Variants in SLC12A7 observed in about 807,000 individuals in gnomAD.
SLC12A7 encodes the protein solute carrier family 12 member 7.
SLC12A7 carries 100 observed loss-of-function variants against 120.6 expected under a neutral mutation model. The observed-to-expected ratio is 0.83, with a 90% confidence interval of 0.71 to 0.98. The LOEUF (loss-of-function observed/expected upper bound fraction) is 0.98, where lower values mean the gene tolerates loss of function less well. Among genes scored for constraint, SLC12A7 ranks in the 50% least tolerant of loss-of-function variants. The pLI, the probability that SLC12A7 is intolerant of heterozygous loss-of-function variation, is 0.00. For synonymous variants in SLC12A7, 760 were observed against 678.0 expected, an observed-to-expected ratio of 1.12 and a Z score of -1.88; for missense variants, 1,373 against 1,548.1, an observed-to-expected ratio of 0.89 and a Z score of 1.90.
the SLC12A7 span, among the ~76,000 whole-genome samples, chr5:1,132,617 C>A: frequency 2.6e-5 from 4 of 152,256 alleles, no homozygotes; most frequent in South Asian, 2.1e-4. Flanking sequence ...CATGAAGAAC[C>A]CTTGCCTGCC....
intron 15 of SLC12A7, 106 bp from the exon 16 acceptor site, chr5:1,074,777 C>T (rs1444515461): frequency 2.8e-6 from 3 of 1,057,390 alleles, no homozygotes; most frequent in South Asian, 1.5e-5. Context: ...AAACAGGACC[C>T]CCAGGAAAAG....
intron 1 of SLC12A7, among the ~76,000 whole-genome samples, chr5:1,099,061 T>G (rs1481867807): frequency 2.0e-5 from 3 of 151,770 alleles, no homozygotes; most frequent in Non-Finnish European, 4.4e-5. Flanking sequence ...CCTTGCCAGG[T>G]GGCCCACAGT....
rs976295377 is a variant in SLC12A7, at chr5:1,083,741, T to C, written c.1129+4A>G. 9 of 1,611,640 alleles carry C rather than the reference T, an allele frequency of 5.6e-6. No homozygotes were observed. The highest frequency in any genetic ancestry group is 1.7e-5 in the Admixed American group (1 of 59,990). On this transcript the variant is annotated splice_donor_region_variant and intron_variant, in intron 8 of 23. Transcript: ENST00000264930. ...AGCTCCAGCTGCAGCCCTGTGAGCCTCACCCAGGAAGACACCACTGGCCGC... is the reference window on the plus strand; with the variant it reads ...AGCTCCAGCTGCAGCCCTGTGAGCCCCACCCAGGAAGACACCACTGGCCGC...
chr5:1,114,225 G>C (rs1373935842), upstream of SLC12A7, among the ~76,000 whole-genome samples: 1 of 152,220 alleles, frequency 6.6e-6, no homozygotes, highest in Non-Finnish European at 1.5e-5. Flanking sequence ...GAAGCACCTG[G>C]GTGGGTGCCC....
chr5:1,103,766 G>A (rs1355415908), intron 1 of SLC12A7, among the ~76,000 whole-genome samples: 1 of 152,244 alleles, frequency 6.6e-6, no homozygotes, highest in Non-Finnish European at 1.5e-5. Flanking sequence ...GGCATGCACT[G>A]GGACTACAGC....
chr5:1,078,815 G>T, intron 10 of SLC12A7, 57 bp from the exon 11 acceptor site: 1 of 612,112 alleles, frequency 1.6e-6, no homozygotes. Flanking sequence ...CAGGTACGGG[G>T]GGTGGGGTGG....
At chr5:1,093,512 G>GGACTGGGCGGA (rs60713238) in intron 3 of SLC12A7, 21 bp downstream of exon 3, 2 of 1,583,896 alleles carry the variant, frequency 1.3e-6, no homozygotes, top group Admixed American at 3.6e-5. Context: ...GACTGGGCGG[G>GGACTGGGCGGA]CACGGGCAGG....
At chr5:1,132,166 T>G in the SLC12A7 span, among the ~76,000 whole-genome samples, 38 of 152,198 alleles carry the variant, frequency 2.5e-4, no homozygotes, top group Non-Finnish European at 4.3e-4. Context: ...TCCTCACTGC[T>G]CATTACACGC....
chr5:1,091,633 G>A (rs1284441098), intron 3 of SLC12A7, among the ~76,000 whole-genome samples: 1 of 152,196 alleles, frequency 6.6e-6, no homozygotes, highest in Non-Finnish European at 1.5e-5. Context: ...AAGGTGCTGA[G>A]TGCTGAGCCC....
intron 21 of SLC12A7, among the ~76,000 whole-genome samples, chr5:1,059,978 G>C (rs1372256340): frequency 6.6e-6 from 1 of 152,378 alleles, no homozygotes; most frequent in South Asian, 2.1e-4. Context: ...CCCTGTCAGA[G>C]GGCACTGCCC....
At chr5:1,152,439 C>T in the SLC12A7 span, among the ~76,000 whole-genome samples, 3 of 152,334 alleles carry the variant, frequency 2.0e-5, no homozygotes, top group Non-Finnish European at 4.4e-5. Flanking sequence ...TGCCTGTGCC[C>T]GTGGGCTCAC....
the SLC12A7 span, among the ~76,000 whole-genome samples, chr5:1,128,303 C>T: frequency 6.6e-6 from 1 of 152,224 alleles, no homozygotes; most frequent in Non-Finnish European, 1.5e-5. Context: ...AGAGCCAAAT[C>T]CCAGGACGAG....
chr5:1,124,402 A>G, the SLC12A7 span, among the ~76,000 whole-genome samples: 1 of 152,382 alleles, frequency 6.6e-6, no homozygotes, highest in East Asian at 1.9e-4. Flanking sequence ...ACAGAAGACC[A>G]TGGGAGGGTG....
At chr5:1,087,756 C>G (rs1004507553) in intron 5 of SLC12A7, among the ~76,000 whole-genome samples, 4 of 152,250 alleles carry the variant, frequency 2.6e-5, no homozygotes, top group Non-Finnish European at 4.4e-5. Flanking sequence ...GCAGACGTGG[C>G]AGCGTCTCCG....
At chr5:1,054,946 A>C (rs184023330) in intron 22 of SLC12A7, among the ~76,000 whole-genome samples, 1 of 152,342 alleles carries the variant, frequency 6.6e-6, no homozygotes, top group Non-Finnish European at 1.5e-5. Flanking sequence ...GTTTGGGGAC[A>C]AAGAGCAGCT....
At chr5:1,118,956 G>A in the SLC12A7 span, among the ~76,000 whole-genome samples, 3 of 152,276 alleles carry the variant, frequency 2.0e-5, no homozygotes, top group South Asian at 2.1e-4. Context: ...CCCACACTGA[G>A]CACCCAGAGC....
At chr5:1,144,817 CAG>C in the SLC12A7 span, among the ~76,000 whole-genome samples, 7 of 152,382 alleles carry the variant, frequency 4.6e-5, no homozygotes, top group South Asian at 8.3e-4. Flanking sequence ...TCTGAATAAA[CAG>C]GGGCCACTGC....
intron 17 of SLC12A7, among the ~76,000 whole-genome samples, chr5:1,068,513 C>T (rs965363433): frequency 1.3e-5 from 2 of 152,250 alleles, no homozygotes; most frequent in African/African-American, 2.4e-5. Context: ...AACATAGCCA[C>T]GATGGAGGAG....
chr5:1,114,009 C>T (rs762500090), upstream of SLC12A7, among the ~76,000 whole-genome samples: 4 of 152,248 alleles, frequency 2.6e-5, 1 homozygote, highest in South Asian at 4.1e-4. Context: ...ACCCCAGGGC[C>T]GGCTGCCCGC....
Sources: gnomAD v4.1 joint callset for allele counts (sites outside exome capture counted in the v4.1 genomes callset) on GRCh38, gnomAD v4.1.1 for gene constraint, MANE v1.5 for transcripts, NCBI Gene and HGNC (gene_info 2026-07-23, HGNC 2026-07-21) for gene names.